The following SAMD8 variants were observed in gnomAD, a reference collection of about 807,000 sequenced individuals.
The protein encoded by SAMD8 is sterile alpha motif domain containing 8.
SAMD8 carries 20 observed loss-of-function variants against 42.0 expected under a neutral mutation model. That is an observed-to-expected ratio of 0.48 (90% confidence interval 0.34 to 0.69). The LOEUF (loss-of-function observed/expected upper bound fraction) is 0.69. Ranked by LOEUF, SAMD8 falls within the 30% of genes least tolerant of loss-of-function variation. The probability of loss-of-function intolerance (pLI) is 0.01; values close to 1 mark genes in which losing one functional copy is unlikely to be tolerated. For missense variants in SAMD8, 328 were observed against 511.6 expected (o/e 0.64, Z 3.46); for synonymous variants, 162 against 173.0 (o/e 0.94, Z 0.50).
intron 1 of SAMD8, among the ~76,000 whole-genome samples, chr10:75,120,663 G>A (rs1848984352): frequency 1.3e-5 from 2 of 151,722 alleles, no homozygotes; most frequent in Non-Finnish European, 2.9e-5. Flanking sequence ...TATGAGCAGT[G>A]CATATTGATG....
At chr10:75,111,292 A>G (rs1372834560), upstream of SAMD8, among the ~76,000 whole-genome samples, 1 of 152,170 alleles carries the variant, frequency 6.6e-6, no homozygotes, top group South Asian at 2.1e-4. Flanking sequence ...CTGATCCCAC[A>G]GGCCCCGCCC....
At chr10:75,166,463 G>A (rs942328579) in intron 3 of SAMD8, among the ~76,000 whole-genome samples, 7 of 152,090 alleles carry the variant, frequency 4.6e-5, no homozygotes, top group African/African-American at 1.7e-4. Flanking sequence ...AGGAACAAGG[G>A]TAGTTGCTTG....
At chr10:75,117,925 C>T (rs1054635011) in intron 1 of SAMD8, among the ~76,000 whole-genome samples, 1 of 152,074 alleles carries the variant, frequency 6.6e-6, no homozygotes, top group Non-Finnish European at 1.5e-5. Context: ...ATAAAATGGA[C>T]GGTAATATCT....
At position 75,102,493 on chromosome 10, in the gene SAMD8, G is replaced by A. The variant is rs1848231972; in HGVS notation, c.-16+2765G>A. 3.3e-5 allele frequency among the ~76,000 whole-genome samples: 5 copies of A among 152,174 alleles called. No homozygotes were observed. The South Asian group carries it at 1.0e-3, about 32-fold the overall frequency. On this transcript the variant is annotated intron_variant, in intron 1 of 3. Transcript: ENST00000447533. ...AGAAAAAAAGAGATAGTGGGAGAAG[G>A]AAGATCAAATAAACCATTTTAAAAG...
chr10:75,101,923 G>A (rs1398492348), intron 1 of SAMD8: 2 of 1,367,772 alleles, frequency 1.5e-6, no homozygotes, highest in Non-Finnish European at 2.0e-6. Context: ...TCGTGCTGCT[G>A]GCTTTCAGCC....
chr10:75,138,655 G>GAGAGATTT, intron 1 of SAMD8, among the ~76,000 whole-genome samples: 1 of 152,026 alleles, frequency 6.6e-6, no homozygotes, highest in Non-Finnish European at 1.5e-5. Context: ...TTTGCTCTTA[G>GAGAGATTT]GCTGCTGAAA....
chr10:75,150,304 A>C, intron 1 of SAMD8: 5 of 165,518 alleles, frequency 3.0e-5, no homozygotes, highest in Non-Finnish European at 5.3e-5. Flanking sequence ...TTTTTTTGGT[A>C]GAGATAGGAT....
chr10:75,159,558 A>G (rs1175692799), intron 2 of SAMD8, among the ~76,000 whole-genome samples: 2 of 152,148 alleles, frequency 1.3e-5, no homozygotes, highest in East Asian at 3.8e-4. Flanking sequence ...GATACTCCCA[A>G]CATCCAGCAG....
intron 1 of SAMD8, among the ~76,000 whole-genome samples, chr10:75,115,709 G>A (rs1239610642): frequency 3.3e-5 from 5 of 152,142 alleles, no homozygotes; most frequent in African/African-American, 1.2e-4. Flanking sequence ...GGGAGGCCGA[G>A]GCGGGCGGAT....
intron 1 of SAMD8, among the ~76,000 whole-genome samples, chr10:75,142,035 C>T (rs563018615): frequency 6.6e-6 from 1 of 151,950 alleles, no homozygotes; most frequent in South Asian, 2.1e-4. Context: ...GCAGCCTCCA[C>T]CTTCTGGGTT....
chr10:75,108,426 G>A (rs992299653), upstream of SAMD8: 17 of 805,342 alleles, frequency 2.1e-5, no homozygotes, highest in Non-Finnish European at 3.0e-5. Context: ...GGGATCTTTA[G>A]ACCCTCTTTG....
chr10:75,108,048 C>T (rs373213199), upstream of SAMD8: 59 of 1,613,772 alleles, frequency 3.7e-5, no homozygotes, highest in African/African-American at 7.3e-4. Context: ...GAAGTAGGCA[C>T]TGATGTCAAA....
At chr10:75,111,536 G>A (rs1030417356), upstream of SAMD8, 13 of 1,233,012 alleles carry the variant, frequency 1.1e-5, no homozygotes, top group African/African-American at 1.9e-4. Context: ...CGGCGGTGAC[G>A]GCGGCCGGGA....
intron 1 of SAMD8, among the ~76,000 whole-genome samples, chr10:75,145,875 C>CT (rs1840118860): frequency 6.6e-6 from 1 of 152,150 alleles, no homozygotes; most frequent in South Asian, 2.1e-4. Context: ...TTCATGAGAC[C>CT]TTTTTTCAAT....
chr10:75,120,774 CTTTTTTTTTTTT>C (rs111866437), intron 1 of SAMD8, among the ~76,000 whole-genome samples: 66 of 80,168 alleles, frequency 8.2e-4, no homozygotes, highest in African/African-American at 3.0e-3. Flanking sequence ...TAATTTCCAT[CTTTTTTTTTTTT>C]TTTTTTTTTT....
chr10:75,111,569 C>A, upstream of SAMD8: 1 of 1,249,618 alleles, frequency 8.0e-7, no homozygotes, highest in Non-Finnish European at 1.0e-6. Flanking sequence ...GCAGTCGCCA[C>A]CGCCCCCGCC....
chr10:75,152,305 G>A (rs1032159454), intron 2 of SAMD8, among the ~76,000 whole-genome samples: 1 of 143,578 alleles, frequency 7.0e-6, no homozygotes, highest in Non-Finnish European at 1.5e-5. Flanking sequence ...GGCGGATCAC[G>A]AGGTCAGGAG....
At chr10:75,100,690 C>G (rs376997511) in intron 1 of SAMD8, among the ~76,000 whole-genome samples, 4 of 152,218 alleles carry the variant, frequency 2.6e-5, no homozygotes, top group South Asian at 2.1e-4. Context: ...CTGCCTCCCC[C>G]GCTCAGCAGA....
At chr10:75,109,961 G>T (rs1340919727), upstream of SAMD8, among the ~76,000 whole-genome samples, 2 of 152,172 alleles carry the variant, frequency 1.3e-5, no homozygotes, top group African/African-American at 4.8e-5. Flanking sequence ...AGGATTACAG[G>T]CATGTGCCAC....
Sources: gnomAD v4.1 joint callset for allele counts (sites outside exome capture counted in the v4.1 genomes callset) on GRCh38, gnomAD v4.1.1 for gene constraint, MANE v1.5 for transcripts, NCBI Gene and HGNC (gene_info 2026-07-23, HGNC 2026-07-21) for gene names.